PXDNL: variants seen among roughly 807,000 people sequenced by gnomAD.
PXDNL encodes peroxidasin like.
A neutral mutation model predicts 150.8 loss-of-function variants in PXDNL; 145 were observed. The ratio of observed to expected loss-of-function variants is 0.96; its 90% confidence interval spans 0.84 to 1.10. The LOEUF (loss-of-function observed/expected upper bound fraction) is 1.10, where lower values mean the gene tolerates loss of function less well. Among genes scored for constraint, PXDNL ranks in the 50% least tolerant of loss-of-function variants. PXDNL has a pLI of 0.00. For missense variants in PXDNL, 2,087 were observed against 1,873.9 expected, an observed-to-expected ratio of 1.11 and a Z score of -2.10; for synonymous variants, 757 against 725.7, an observed-to-expected ratio of 1.04 and a Z score of -0.69.
intron 1 of PXDNL, among the ~76,000 whole-genome samples, chr8:51,784,664 C>A (rs1461378351): frequency 1.3e-5 from 2 of 152,056 alleles, no homozygotes; most frequent in Non-Finnish European, 2.9e-5. Context: ...AATGCCTGAA[C>A]ACACAGTAAA....
chr8:51,732,645 G>A (rs963352896), intron 1 of PXDNL, among the ~76,000 whole-genome samples: 1 of 152,164 alleles, frequency 6.6e-6, no homozygotes, highest in Non-Finnish European at 1.5e-5. Context: ...AATTTATAAA[G>A]GAAAGAGGTT....
intron 4 of PXDNL, among the ~76,000 whole-genome samples, chr8:51,511,037 G>T (rs917894411): frequency 5.3e-5 from 8 of 152,104 alleles, no homozygotes; most frequent in Non-Finnish European, 1.2e-4. Flanking sequence ...ATGAGGCAGC[G>T]GGTCTCATGT....
At chr8:51,723,832 G>T (rs1191393591) in intron 1 of PXDNL, among the ~76,000 whole-genome samples, 1 of 152,118 alleles carries the variant, frequency 6.6e-6, no homozygotes, top group African/African-American at 2.4e-5. Flanking sequence ...GTTTACTTTT[G>T]TTGACAATGA....
At chr8:51,575,023 A>G (rs1184326757) in intron 3 of PXDNL, among the ~76,000 whole-genome samples, 3 of 152,090 alleles carry the variant, frequency 2.0e-5, no homozygotes, top group Admixed American at 2.0e-4. Context: ...TCTCTTCAGC[A>G]TCCTAAATTA....
intron 2 of PXDNL, among the ~76,000 whole-genome samples, chr8:51,634,184 C>T (rs534138639): frequency 4.9e-4 from 75 of 152,168 alleles, no homozygotes; most frequent in Non-Finnish European, 8.2e-4. Flanking sequence ...CAGTATCCTT[C>T]TTCTGCATAT....
intron 1 of PXDNL, among the ~76,000 whole-genome samples, chr8:51,769,329 C>T (rs986099866): frequency 1.3e-5 from 2 of 152,212 alleles, no homozygotes; most frequent in South Asian, 4.1e-4. Flanking sequence ...CAGTAGTTAC[C>T]ATTACTCCAA....
rs1219737653 is a variant in PXDNL, at chr8:51,372,210, T to C, written c.3693-129A>G. On this transcript the variant is annotated intron_variant, in intron 18 of 22. Transcript: ENST00000356297. ...ACGCATACTGAAAGAATTATGCTTG[T>C]TCTCCAACTGAGTATCCTTTTAATT... The C allele has an allele frequency of 6.3e-6, 4 of 635,616 alleles. No homozygotes were observed. In the African/African-American group the frequency reaches 7.3e-5, roughly 12 times the overall value. The allele number at this position is 635,616 out of a possible 1,614,324, so 39.4% of individuals were successfully genotyped here.
chr8:51,506,822 GCAGGA>G (rs1409801904), intron 4 of PXDNL, among the ~76,000 whole-genome samples: 1 of 152,062 alleles, frequency 6.6e-6, no homozygotes, highest in Non-Finnish European at 1.5e-5. Flanking sequence ...ACTGTCTTTA[GCAGGA>G]ATTCAAGGCT....
intron 1 of PXDNL, among the ~76,000 whole-genome samples, chr8:51,744,195 A>C (rs2130960375): frequency 6.6e-6 from 1 of 150,624 alleles, no homozygotes; most frequent in East Asian, 2.0e-4. Context: ...AAAGAGAGAA[A>C]GAAAAAAGAA....
intron 5 of PXDNL, among the ~76,000 whole-genome samples, chr8:51,495,440 T>A (rs1332624491): frequency 6.6e-6 from 1 of 151,230 alleles, no homozygotes; most frequent in Non-Finnish European, 1.5e-5. Flanking sequence ...CAGAGCAGAA[T>A]TGAAGGAAAT....
Position 51,578,026 on chromosome 8 carries a change from G to A in PXDNL, c.308+14601C>T, listed in dbSNP as rs1276193019. Among the ~76,000 whole-genome samples the A allele has an allele frequency of 2.7e-3, 339 of 124,828 alleles. 9 individuals are homozygous for A. Among genetic ancestry groups the A allele is most frequent in the African/African-American group, 0.01 (298 of 28,456 alleles). 81.9% of individuals were successfully genotyped at this position (124,828 alleles called of 152,430 possible). On this transcript the variant is annotated intron_variant, in intron 3 of 22. Coordinates refer to ENST00000356297, the MANE Select transcript of PXDNL (RefSeq NM_144651.5). ...GGAAGGAAGGAAGGAAGGAAGGAAG[G>A]AAGGAAGGAAGGAAGGAAGGAAGGA...
At chr8:51,559,822 T>C (rs1310227485) in intron 3 of PXDNL, among the ~76,000 whole-genome samples, 3 of 151,854 alleles carry the variant, frequency 2.0e-5, no homozygotes, top group Admixed American at 6.6e-5. Context: ...AGAATTGGTA[T>C]TAACAGGAAA....
Position 51,384,907 on chromosome 8 carries a change from G to A in PXDNL, c.3558-10176C>T, listed in dbSNP as rs548458635. Among the ~76,000 whole-genome samples, 22 of 151,722 alleles carry A rather than the reference G, an allele frequency of 1.5e-4. No homozygotes were observed. The South Asian group carries it at 4.2e-3, about 29-fold the overall frequency. ...ATCTATACTTTGTTTTTTGATTAGA[G>A]GAAAAAGGAAAGAAGGGATATAAAT... On this transcript the variant is annotated intron_variant, in intron 17 of 22. Coordinates refer to ENST00000356297, the MANE Select transcript of PXDNL (RefSeq NM_144651.5).
chr8:51,378,526 A>G (rs1807419565), intron 17 of PXDNL, among the ~76,000 whole-genome samples: 2 of 152,232 alleles, frequency 1.3e-5, no homozygotes, highest in African/African-American at 4.8e-5. Context: ...AGGGTGAAAA[A>G]GCAGGCTGCC....
Position 51,667,485 on chromosome 8 carries a change from A to G in PXDNL, c.165-12725T>C, listed in dbSNP as rs111870899. Among the ~76,000 whole-genome samples, 154 of 152,332 alleles carry G rather than the reference A, an allele frequency of 1.0e-3. 1 individual carries two copies. The highest frequency in any genetic ancestry group is 3.5e-3 in the African/African-American group (144 of 41,584). ...ATTTATCTACTACTTACGCAAAAAT[A>G]GTTGCCCTCTTTTCTTCACCAATTT... On this transcript the variant is annotated intron_variant, in intron 1 of 22. Coordinates refer to ENST00000356297, the MANE Select transcript of PXDNL (RefSeq NM_144651.5).
intron 1 of PXDNL, among the ~76,000 whole-genome samples, chr8:51,697,244 C>T (rs1268190780): frequency 1.4e-5 from 2 of 145,228 alleles, no homozygotes; most frequent in African/African-American, 5.2e-5. Context: ...GCAGAGGTTG[C>T]AGTGAGCCAA....
Position 51,628,760 on chromosome 8 carries a change from A to G in PXDNL, c.236+25929T>C, listed in dbSNP as rs147151426. ...TCCTGGCATTAGGGAAATCTCTACC[A>G]AAATTCTAGCTGGACACAAGTAAAA... On this transcript the variant is annotated intron_variant, in intron 2 of 22. Transcript: ENST00000356297. 5.9e-5 allele frequency among the ~76,000 whole-genome samples: 9 copies of G among 152,188 alleles called. No individual in the cohort carries two copies. The East Asian group carries it at 1.7e-3, about 29-fold the overall frequency.
chr8:51,409,116 G>A lies in PXDNL; in HGVS notation c.2508C>T (p.Cys836=). 4 of 1,608,140 alleles carry A rather than the reference G, an allele frequency of 2.5e-6. No individual in the cohort carries two copies. Among genetic ancestry groups the A allele is most frequent in the Non-Finnish European group, 3.4e-6 (4 of 1,179,280 alleles). The stretch of plus-strand genomic sequence containing the variant: ...TGGGGAAACAAGGAGGGTCGTTGGT[G>A]CAGACGGAGCTGCACGGCCGCCCAT... ...FSDGRPCSSV[C]TNDPPCFPMN... The change falls in exon 17 of 23, where the codon TGC becomes TGT. Residue 836 remains cysteine (C), a synonymous_variant. Coordinates refer to ENST00000356297, the MANE Select transcript of PXDNL (RefSeq NM_144651.5).
intron 3 of PXDNL, among the ~76,000 whole-genome samples, chr8:51,561,067 C>T (rs1260440316): frequency 6.6e-6 from 1 of 151,958 alleles, no homozygotes; most frequent in Admixed American, 6.6e-5. Flanking sequence ...AATGAGCTAT[C>T]ACCTCACATG....
Sources: allele counts gnomAD v4.1 joint callset (sites outside exome capture counted in the v4.1 genomes callset), GRCh38; gene constraint gnomAD v4.1.1; transcripts MANE v1.5; gene names NCBI Gene and HGNC (gene_info 2026-07-23, HGNC 2026-07-21).